CCBE1: variants seen among roughly 807,000 people sequenced by gnomAD.
CCBE1 encodes the protein collagen and calcium-binding EGF domain-containing protein 1.
A neutral mutation model predicts 50.0 loss-of-function variants in CCBE1; 37 were observed. The observed-to-expected ratio is 0.74, with a 90% CI of 0.57 to 0.97. The LOEUF is 0.97. CCBE1 is among the 50% of genes least tolerant of loss of function. The pLI is 0.00. For synonymous variants in CCBE1, 234 were observed against 203.7 expected, an observed-to-expected ratio of 1.15 and a Z score of -1.27; for missense variants, 538 against 523.8, an observed-to-expected ratio of 1.03 and a Z score of -0.26.
intron 2 of CCBE1, among the ~76,000 whole-genome samples, chr18:59,684,403 C>T (rs1568272419): frequency 6.6e-6 from 1 of 152,074 alleles, no homozygotes; most frequent in Admixed American, 6.5e-5. Flanking sequence ...GAGCTAAGAT[C>T]GTGCCACAGC....
At chr18:59,547,204 C>T (rs1431117472) in intron 2 of CCBE1, among the ~76,000 whole-genome samples, 1 of 151,904 alleles carries the variant, frequency 6.6e-6, no homozygotes. Context: ...CCTGTAATCC[C>T]AGCACTTTGG....
At position 59,434,314 on chromosome 18, in the gene CCBE1, C is replaced by G. The variant is rs1293689877; in HGVS notation, c.*1594G>C. ...GCAGGATGGGAAATTCCAACATGAG[C>G]TAATATGAGTGTGAGAACGATCATT... is the stretch of plus-strand genomic sequence containing the variant. On this transcript the variant is annotated 3_prime_UTR_variant, in exon 11 of 11. Coordinates refer to ENST00000439986, the MANE Select transcript of CCBE1 (RefSeq NM_133459.4). 6.6e-6 allele frequency: 1 copy of G among 152,146 alleles called. No individual in the cohort carries two copies. The allele number at this position is 152,146 out of a possible 1,614,324, so 9.4% of individuals were successfully genotyped here.
At chr18:59,555,486 A>G (rs2052642662) in intron 2 of CCBE1, among the ~76,000 whole-genome samples, 1 of 152,246 alleles carries the variant, frequency 6.6e-6, no homozygotes, top group East Asian at 1.9e-4. Context: ...TTAGAGCCTT[A>G]GATTTCTATT....
rs2054283487 is a variant in CCBE1 at position 59,661,409 on chromosome 18, AT to A, written c.212+35219del. Among the ~76,000 whole-genome samples, 7 of 152,316 alleles carry A rather than the reference AT, an allele frequency of 4.6e-5. No individual in the cohort carries two copies. The South Asian group carries it at 1.4e-3, about 32-fold the overall frequency. On this transcript the variant is annotated intron_variant, in intron 2 of 10. Coordinates refer to ENST00000439986, the MANE Select transcript of CCBE1 (RefSeq NM_133459.4). ...GGAACAAATGAGTTTTGAGTCTTAT[AT>A]TCATTAGCTGACTGTTCTGATGCCA...
intron 2 of CCBE1, among the ~76,000 whole-genome samples, chr18:59,561,278 G>A (rs957717976): frequency 1.8e-4 from 28 of 152,214 alleles, no homozygotes; most frequent in African/African-American, 6.3e-4. Context: ...TATGTGTCAG[G>A]TTTATATGTC....
chr18:59,593,505 A>G (rs2053304460), intron 2 of CCBE1, among the ~76,000 whole-genome samples: 1 of 152,232 alleles, frequency 6.6e-6, no homozygotes, highest in South Asian at 2.1e-4. Flanking sequence ...GTTTTAGATT[A>G]TCTCCATTGC....
At chr18:59,640,387 C>T (rs1280711874) in intron 2 of CCBE1, among the ~76,000 whole-genome samples, 1 of 152,112 alleles carries the variant, frequency 6.6e-6, no homozygotes, top group African/African-American at 2.4e-5. Flanking sequence ...AGGGAAAGGA[C>T]TCCCTATTCA....
At chr18:59,606,055 G>A (rs12608080) in intron 2 of CCBE1, among the ~76,000 whole-genome samples, 2 of 152,152 alleles carry the variant, frequency 1.3e-5, no homozygotes, top group African/African-American at 2.4e-5. Context: ...GGTGCTTTGC[G>A]ATTCAACTCC....
At chr18:59,632,971 C>A (rs2053869041) in intron 2 of CCBE1, among the ~76,000 whole-genome samples, 1 of 152,120 alleles carries the variant, frequency 6.6e-6, no homozygotes, top group South Asian at 2.1e-4. Context: ...CCACAAGGGA[C>A]AAGTCAGGCA....
intron 2 of CCBE1, among the ~76,000 whole-genome samples, chr18:59,659,114 T>C (rs1458569445): frequency 6.6e-6 from 1 of 152,204 alleles, no homozygotes; most frequent in South Asian, 2.1e-4. Context: ...ACACACATTA[T>C]GTGTAAGTTG....
chr18:59,604,402 G>T (rs566307810), intron 2 of CCBE1, among the ~76,000 whole-genome samples: 2 of 152,242 alleles, frequency 1.3e-5, no homozygotes, highest in South Asian at 2.1e-4. Flanking sequence ...CAGGGCTAGG[G>T]GTAGGAGGAC....
At chr18:59,610,529 T>G (rs1391530228) in intron 2 of CCBE1, among the ~76,000 whole-genome samples, 1 of 151,968 alleles carries the variant, frequency 6.6e-6, no homozygotes, top group Non-Finnish European at 1.5e-5. Context: ...GAACAAAGCT[T>G]CAGAACAAAA....
At chr18:59,632,017 AT>A (rs559642930) in intron 2 of CCBE1, among the ~76,000 whole-genome samples, 145 of 152,358 alleles carry the variant, frequency 9.5e-4, no homozygotes, top group Non-Finnish European at 1.5e-3. Flanking sequence ...GAATTAAAAT[AT>A]TGCTGAGAAG....
intron 2 of CCBE1, among the ~76,000 whole-genome samples, chr18:59,611,349 C>T (rs927376852): frequency 5.9e-5 from 9 of 152,202 alleles, no homozygotes; most frequent in Admixed American, 3.9e-4. Context: ...GAGCACCACT[C>T]AAATGGAAAT....
intron 5 of CCBE1, 55 bp from the exon 6 acceptor site, chr18:59,455,006 CAGAG>C: frequency 7.2e-7 from 1 of 1,390,468 alleles, no homozygotes; most frequent in East Asian, 2.3e-5. Flanking sequence ...AAGCCAGACC[CAGAG>C]AGACAGCATC....
At chr18:59,553,153 A>T (rs1214010690) in intron 2 of CCBE1, among the ~76,000 whole-genome samples, 4 of 152,200 alleles carry the variant, frequency 2.6e-5, no homozygotes, top group Non-Finnish European at 4.4e-5. Context: ...CCTCTGGCCA[A>T]ATTAATGTGA....
intron 10 of CCBE1, among the ~76,000 whole-genome samples, chr18:59,436,918 G>A (rs1910183838): frequency 6.6e-6 from 1 of 152,162 alleles, no homozygotes; most frequent in African/African-American, 2.4e-5. Flanking sequence ...GCTGCAGTGA[G>A]CCAAGATTGT....
chr18:59,466,713 G>A (rs573518215), intron 5 of CCBE1, 26 bp downstream of exon 5: 1 of 1,581,718 alleles, frequency 6.3e-7, no homozygotes, highest in South Asian at 1.1e-5. Context: ...TGTAATTAGG[G>A]AGATATTTAG....
intron 2 of CCBE1, among the ~76,000 whole-genome samples, chr18:59,649,118 G>T (rs1301536653): frequency 2.6e-5 from 4 of 152,198 alleles, no homozygotes; most frequent in African/African-American, 9.7e-5. Context: ...ACAGTGGACA[G>T]AAAGCATCCC....
Sources: allele counts gnomAD v4.1 joint callset (sites outside exome capture counted in the v4.1 genomes callset), GRCh38; gene constraint gnomAD v4.1.1; transcripts MANE v1.5; gene names NCBI Gene and HGNC (gene_info 2026-07-23, HGNC 2026-07-21).